Variants in ADCY3 observed in about 807,000 individuals in gnomAD.
ADCY3 encodes adenylate cyclase type 3.
A neutral mutation model predicts 119.4 loss-of-function variants in ADCY3; 70 were observed. The ratio of observed to expected loss-of-function variants is 0.59; its 90% CI spans 0.48 to 0.72. The LOEUF (loss-of-function observed/expected upper bound fraction) is 0.72, where lower values mean the gene tolerates loss of function less well. ADCY3 is among the 30% of genes least tolerant of loss of function. The pLI is 0.00. For synonymous variants in ADCY3, 672 were observed against 621.4 expected (o/e 1.08, Z -1.21); for missense variants, 1,238 against 1,541.6 (o/e 0.80, Z 3.30).
chr2:24,913,346 G>A (rs962441431), intron 2 of ADCY3, among the ~76,000 whole-genome samples: 7 of 152,212 alleles, frequency 4.6e-5, no homozygotes, highest in Non-Finnish European at 7.3e-5. Flanking sequence ...CCCATGGGGA[G>A]AAGGGGGTGC....
At chr2:24,837,914 G>A (rs1039074560) in intron 8 of ADCY3, among the ~76,000 whole-genome samples, 2 of 152,062 alleles carry the variant, frequency 1.3e-5, no homozygotes, top group Non-Finnish European at 1.5e-5. Flanking sequence ...TGTTTGGCCC[G>A]AGACAATTCT....
At chr2:24,864,555 T>C (rs1028444881) in intron 3 of ADCY3, among the ~76,000 whole-genome samples, 5 of 152,220 alleles carry the variant, frequency 3.3e-5, no homozygotes, top group Admixed American at 1.3e-4. Flanking sequence ...AAAGAAATGC[T>C]GATCTGCCCG....
intron 9 of ADCY3, among the ~76,000 whole-genome samples, chr2:24,835,526 T>A (rs1409049581): frequency 1.3e-5 from 2 of 152,080 alleles, no homozygotes; most frequent in African/African-American, 4.8e-5. Flanking sequence ...AGAAAAAGCA[T>A]CAACTCCAAA....
chr2:24,833,746 GTCGT>G (rs1375388135), intron 11 of ADCY3, among the ~76,000 whole-genome samples: 14 of 152,228 alleles, frequency 9.2e-5, no homozygotes, highest in African/African-American at 2.9e-4. Context: ...CCTCACCACA[GTCGT>G]GAGTGTCCGC....
At chr2:24,829,870 G>A (rs1000674486) in intron 13 of ADCY3, among the ~76,000 whole-genome samples, 4 of 151,346 alleles carry the variant, frequency 2.6e-5, no homozygotes, top group African/African-American at 7.3e-5. Context: ...TGCTCAATAC[G>A]TGCCCAGTGG....
chr2:24,911,142 C>A (rs56073414), intron 2 of ADCY3, among the ~76,000 whole-genome samples: 12,145 of 151,400 alleles, frequency 0.08, 669 homozygotes, highest in South Asian at 0.18. Context: ...CCTTCTAATG[C>A]TTGTGGGTTG....
At chr2:24,838,416 G>A (rs768433046) in intron 8 of ADCY3, 29 bp downstream of exon 8, 3 of 1,520,354 alleles carry the variant, frequency 2.0e-6, no homozygotes, top group Non-Finnish European at 2.6e-6. Flanking sequence ...GGGGTGGGTG[G>A]GGTGGGTGGG....
At chr2:24,843,043 G>A (rs1038912455) in intron 3 of ADCY3, among the ~76,000 whole-genome samples, 9 of 152,200 alleles carry the variant, frequency 5.9e-5, no homozygotes, top group Non-Finnish European at 1.2e-4. Flanking sequence ...AGCCTTGGTC[G>A]AGCCCAAGAC....
At chr2:24,862,108 C>T (rs1157284268) in intron 3 of ADCY3, among the ~76,000 whole-genome samples, 1 of 152,176 alleles carries the variant, frequency 6.6e-6, no homozygotes, top group Non-Finnish European at 1.5e-5. Context: ...GTCATCCCTC[C>T]CCAACCCCCA....
intron 3 of ADCY3, among the ~76,000 whole-genome samples, chr2:24,855,741 T>A (rs573259945): frequency 6.6e-6 from 1 of 152,282 alleles, no homozygotes; most frequent in Non-Finnish European, 1.5e-5. Context: ...CACCCAGGCC[T>A]GCAGTGGGGT....
rs987469808 is a variant in ADCY3, at chr2:24,919,231, G to A, written c.-197-47C>T. 2.1e-5 allele frequency: 11 copies of A among 525,568 alleles called. No individual in the cohort carries two copies. The highest frequency in any genetic ancestry group is 3.4e-5 in the Non-Finnish European group (10 of 292,406). 32.6% of individuals were successfully genotyped at this position (525,568 alleles called of 1,614,324 possible). ...AGAAGCACCTCTTCCCTCCTACCTT[G>A]CGGTTTCCCCATGACCCGCCCTAAC... On this transcript the variant is annotated intron_variant, in intron 1 of 21. Coordinates refer to ENST00000679454, the MANE Select transcript of ADCY3 (RefSeq NM_004036.5). The surrounding 1 kb of genome is among the most constrained non-coding windows in gnomAD (Gnocchi z 5.5).
chr2:24,901,338 C>T (rs1486895770), intron 2 of ADCY3, among the ~76,000 whole-genome samples: 1 of 152,152 alleles, frequency 6.6e-6, no homozygotes, highest in Admixed American at 6.5e-5. Flanking sequence ...CCTGTTTATG[C>T]CAGTTGTTTT....
intron 3 of ADCY3, among the ~76,000 whole-genome samples, chr2:24,851,442 T>C (rs1015533047): frequency 1.3e-5 from 2 of 152,224 alleles, no homozygotes; most frequent in Non-Finnish European, 2.9e-5. Context: ...GTATTATTTA[T>C]GTGCAATATT....
chr2:24,872,510 C>A lies in ADCY3; in HGVS notation c.825+60G>T. 1 of 1,577,156 alleles carries A rather than the reference C, an allele frequency of 6.3e-7. No homozygotes were observed. Among genetic ancestry groups the A allele is most frequent in the Non-Finnish European group, 8.6e-7 (1 of 1,160,626 alleles). Reference sequence around the variant, plus strand: ...GGCTGCCGCTCTGGTTCCTCTCCCTCTGACAAGGCCACAGTCCCTGAGCCC... The same window carrying A: ...GGCTGCCGCTCTGGTTCCTCTCCCTATGACAAGGCCACAGTCCCTGAGCCC... On this transcript the variant is annotated intron_variant, in intron 3 of 21. Coordinates refer to ENST00000679454, the MANE Select transcript of ADCY3 (RefSeq NM_004036.5). The surrounding 1 kb of genome is among the most constrained non-coding windows in gnomAD (Gnocchi z 4.4).
At position 24,834,486 on chromosome 2, in the gene ADCY3, AG is replaced by A. The variant is rs749620397; in HGVS notation, c.1965del (p.Trp656GlyfsTer2). On this transcript the variant is annotated frameshift_variant and splice_region_variant, in exon 11 of 22. Coordinates refer to ENST00000679454, the MANE Select transcript of ADCY3 (RefSeq NM_004036.5). LOFTEE classifies it high-confidence loss of function. The surrounding 1 kb of genome is among the most constrained non-coding windows in gnomAD (Gnocchi z 4.2). The stretch of plus-strand genomic sequence containing the variant: ...GGCCCTCCCCGGCCCCTCCCTCACC[AG>A]GGGTCGATGAGTATCTCGACCAGGG... ...CTALVEILIDPWLMTNYVTFM... is the reference protein window; with the variant it reads ...CTALVEILIDXWLMTNYVTFM... 2.0e-6 allele frequency: 3 copies of A among 1,529,646 alleles called. No homozygotes were observed. The highest frequency in any genetic ancestry group is 1.8e-5 in the Admixed American group (1 of 55,740). The allele number at this position is 1,529,646 out of a possible 1,614,324, so 94.8% of individuals were successfully genotyped here.
At chr2:24,822,984 G>A (rs553823122) in intron 18 of ADCY3, among the ~76,000 whole-genome samples, 1 of 152,330 alleles carries the variant, frequency 6.6e-6, no homozygotes, top group Admixed American at 6.5e-5. Flanking sequence ...TGCTTGGCCA[G>A]TCCTTATCCT....
chr2:24,824,190 C>T (rs1668257879), intron 17 of ADCY3, among the ~76,000 whole-genome samples, 188 bp downstream of exon 17: 1 of 152,254 alleles, frequency 6.6e-6, no homozygotes, highest in African/African-American at 2.4e-5. Context: ...ATGCCTACAG[C>T]AGTGCACTTT....
chr2:24,887,071 G>GA (rs1677112028), intron 2 of ADCY3, among the ~76,000 whole-genome samples: 1 of 152,200 alleles, frequency 6.6e-6, no homozygotes, highest in Non-Finnish European at 1.5e-5. Flanking sequence ...ATTTATAAAG[G>GA]AAAGAGGTTT....
At chr2:24,890,641 T>A (rs1390369595) in intron 2 of ADCY3, among the ~76,000 whole-genome samples, 3 of 152,244 alleles carry the variant, frequency 2.0e-5, no homozygotes, top group Non-Finnish European at 4.4e-5. Context: ...TCTGTATTCA[T>A]GCTCACCTGC....
Sources: allele counts gnomAD v4.1 joint callset (sites outside exome capture counted in the v4.1 genomes callset), GRCh38; gene constraint gnomAD v4.1.1; non-coding constraint Gnocchi (gnomAD v3.1); transcripts MANE v1.5; gene names NCBI Gene and HGNC (gene_info 2026-07-23, HGNC 2026-07-21).